The following MCC variants were observed in gnomAD, a reference collection of about 807,000 sequenced individuals.
MCC encodes the protein colorectal mutant cancer protein.
In MCC, 90 loss-of-function variants were observed where a neutral mutation model predicts 116.2. The observed-to-expected ratio is 0.77, with a 90% CI of 0.65 to 0.92. The LOEUF (loss-of-function observed/expected upper bound fraction) is 0.92, where lower values mean the gene tolerates loss of function less well. MCC is among the 40% of genes least tolerant of loss of function. MCC has a pLI of 0.00. For missense variants in MCC, 1,516 were observed against 1,312.2 expected (o/e 1.16, Z -2.40); for synonymous variants, 578 against 510.5 (o/e 1.13, Z -1.78).
intron 3 of MCC, among the ~76,000 whole-genome samples, chr5:113,314,680 T>G (rs527599267): frequency 3.3e-5 from 5 of 152,150 alleles, no homozygotes; most frequent in Non-Finnish European, 7.4e-5. Flanking sequence ...CTCTGCCTCC[T>G]GGGTTCAAGC....
chr5:113,358,580 G>T (rs1768469954), intron 2 of MCC, among the ~76,000 whole-genome samples: 1 of 152,060 alleles, frequency 6.6e-6, no homozygotes, highest in Non-Finnish European at 1.5e-5. Flanking sequence ...TCAGTTATGT[G>T]GGTTCTTTAG....
chr5:113,162,929 A>T (rs1760571631), intron 3 of MCC, among the ~76,000 whole-genome samples: 1 of 152,212 alleles, frequency 6.6e-6, no homozygotes, highest in South Asian at 2.1e-4. Context: ...GTCCTGATTA[A>T]GCAATCAGAA....
intron 1 of MCC, 89 bp downstream of exon 1, chr5:113,488,156 A>T: frequency 7.6e-7 from 1 of 1,307,806 alleles, no homozygotes; most frequent in Non-Finnish European, 1.0e-6. Flanking sequence ...AACTTGCCGC[A>T]AGTTGGGGCG....
chr5:113,116,911 T>C (rs1018928766), intron 6 of MCC, among the ~76,000 whole-genome samples: 29 of 152,224 alleles, frequency 1.9e-4, no homozygotes, highest in African/African-American at 7.0e-4. Context: ...TGATCCCTAT[T>C]GTGACCCTCT....
At chr5:113,425,739 A>C (rs998579244) in intron 1 of MCC, among the ~76,000 whole-genome samples, 3 of 152,318 alleles carry the variant, frequency 2.0e-5, no homozygotes, top group East Asian at 3.9e-4. Context: ...TCAGTGTTAC[A>C]AAGAATTGGC....
rs376045261 is a variant in MCC at position 113,126,635 on chromosome 5, T to C, written c.885-3809A>G. Among the ~76,000 whole-genome samples, 42 of 152,336 alleles carry C rather than the reference T, an allele frequency of 2.8e-4. 1 individual carries two copies. The South Asian group carries it at 8.7e-3, about 32-fold the overall frequency. On this transcript the variant is annotated intron_variant, in intron 5 of 18. Transcript: ENST00000408903. ...TCATAAATGCATGAAATATATACAT[T>C]AGGTTGATGCAAAAGTAATTGCAGT...
chr5:113,362,893 T>C (rs1413323598), intron 2 of MCC, among the ~76,000 whole-genome samples: 2 of 152,168 alleles, frequency 1.3e-5, no homozygotes, highest in Non-Finnish European at 2.9e-5. Flanking sequence ...TTCTGCTTCA[T>C]TCTTTCCTCT....
At position 113,277,189 on chromosome 5, in the gene MCC, A is replaced by C. The variant is rs182649592; in HGVS notation, c.627+63330T>G. The stretch of plus-strand genomic sequence containing the variant: ...GAAACCCCATCTCTACTAAAAAAAA[A>C]CAAAAAACAAAAACACAAACAAAAA... On this transcript the variant is annotated intron_variant, in intron 3 of 18. Transcript: ENST00000408903. 2.0e-3 allele frequency among the ~76,000 whole-genome samples: 292 copies of C among 145,144 alleles called. 4 individuals are homozygous for C. The highest frequency in any genetic ancestry group is 2.8e-3 in the Non-Finnish European group (187 of 67,686).
intron 1 of MCC, among the ~76,000 whole-genome samples, chr5:113,390,532 T>C (rs1484126864): frequency 6.6e-6 from 1 of 152,212 alleles, no homozygotes; most frequent in Non-Finnish European, 1.5e-5. Flanking sequence ...TTATTTTCTA[T>C]ATATAAAAGT....
chr5:113,413,542 T>C (rs953035597), intron 1 of MCC, among the ~76,000 whole-genome samples: 7 of 152,248 alleles, frequency 4.6e-5, no homozygotes, highest in African/African-American at 1.7e-4. Context: ...GTTCTAGCTT[T>C]TCTAGTTTAT....
chr5:113,333,000 G>A (rs1767737790), intron 3 of MCC, among the ~76,000 whole-genome samples: 1 of 151,602 alleles, frequency 6.6e-6, no homozygotes, highest in Non-Finnish European at 1.5e-5. Flanking sequence ...ATCTCAATAA[G>A]AGGGAGAATA....
intron 3 of MCC, among the ~76,000 whole-genome samples, chr5:113,212,834 T>A (rs773835180): frequency 1.3e-5 from 2 of 152,144 alleles, no homozygotes; most frequent in Non-Finnish European, 2.9e-5. Flanking sequence ...TAACTATGGC[T>A]AAAAGGACGA....
At chr5:113,471,878 C>G (rs1772102222) in intron 1 of MCC, among the ~76,000 whole-genome samples, 1 of 152,112 alleles carries the variant, frequency 6.6e-6, no homozygotes, top group South Asian at 2.1e-4. Context: ...GCCCCTCCCC[C>G]AGCCTTGCTG....
Position 113,074,066 on chromosome 5 carries a change from T to C in MCC, c.1785-2832A>G, listed in dbSNP as rs113744554. ...CACCATGCAGTTTGAGCTCTGAGAA[T>C]GGATAGACTGCCTCCTCAAGTGGGT... On this transcript the variant is annotated intron_variant, in intron 11 of 18. Coordinates refer to ENST00000408903, the MANE Select transcript of MCC (RefSeq NM_001085377.2). 1.5e-3 allele frequency among the ~76,000 whole-genome samples: 231 copies of C among 152,336 alleles called. 2 individuals are homozygous for C. Among genetic ancestry groups the C allele is most frequent in the African/African-American group, 5.3e-3 (220 of 41,588 alleles).
intron 3 of MCC, among the ~76,000 whole-genome samples, chr5:113,176,707 G>T (rs1581205652): frequency 6.6e-6 from 1 of 152,212 alleles, no homozygotes; most frequent in Non-Finnish European, 1.5e-5. Context: ...AACAAATATG[G>T]GCCATGAGCC....
At chr5:113,073,374 C>A (rs1754180438) in intron 11 of MCC, among the ~76,000 whole-genome samples, 1 of 152,270 alleles carries the variant, frequency 6.6e-6, no homozygotes, top group South Asian at 2.1e-4. Flanking sequence ...CTTATCCCAT[C>A]CTTCCCATTC....
chr5:113,263,467 A>C (rs1765289143), intron 3 of MCC, among the ~76,000 whole-genome samples: 1 of 152,222 alleles, frequency 6.6e-6, no homozygotes, highest in Non-Finnish European at 1.5e-5. Context: ...GTTCAATGTA[A>C]CAAACTTCTG....
intron 7 of MCC, 145 bp downstream of exon 7, chr5:113,104,047 T>A (rs922771663): frequency 1.8e-5 from 14 of 797,744 alleles, no homozygotes; most frequent in Admixed American, 3.3e-5. Flanking sequence ...CCCCCGCTTC[T>A]ACACCGTGGC....
At chr5:113,036,400 G>A (rs1304636449) in intron 17 of MCC, among the ~76,000 whole-genome samples, 1 of 152,174 alleles carries the variant, frequency 6.6e-6, no homozygotes, top group Non-Finnish European at 1.5e-5. Context: ...GATTCTGTCT[G>A]CAGAGCCTGT....
Sources: allele counts gnomAD v4.1 joint callset (sites outside exome capture counted in the v4.1 genomes callset), GRCh38; gene constraint gnomAD v4.1.1; transcripts MANE v1.5; gene names NCBI Gene and HGNC (gene_info 2026-07-23, HGNC 2026-07-21).